SPRY3: variants seen among roughly 807,000 people sequenced by gnomAD.
SPRY3 encodes sprouty RTK signaling antagonist 3, also known as protein sprouty homolog 3.
A neutral mutation model predicts 20.2 loss-of-function variants in SPRY3; 15 were observed. The ratio of observed to expected loss-of-function variants is 0.74; its 90% CI spans 0.50 to 1.14. SPRY3 has a LOEUF of 1.14. SPRY3 is among the 50% of genes most tolerant of loss of function. The probability of loss-of-function intolerance (pLI) is 0.00; values close to 1 mark genes in which losing one functional copy is unlikely to be tolerated. For synonymous variants in SPRY3, 143 were observed against 136.5 expected (o/e 1.05, Z -0.33); for missense variants, 364 against 363.9 (o/e 1.00, Z 0.00).
intron 2 of SPRY3, among the ~76,000 whole-genome samples, chrX:155,707,570 T>A: frequency 6.6e-6 from 1 of 151,406 alleles, no homozygotes; most frequent in East Asian, 1.9e-4. Flanking sequence ...AAATCTCTGC[T>A]GCTTTTTTCA....
intron 2 of SPRY3, among the ~76,000 whole-genome samples, chrX:155,727,487 A>G (rs1340809001): frequency 6.6e-6 from 1 of 152,016 alleles, no homozygotes; most frequent in African/African-American, 2.4e-5. Flanking sequence ...TGTTTCTTGG[A>G]GGCTTTGTTC....
At chrX:155,682,288 A>G (rs775253148) in intron 2 of SPRY3, among the ~76,000 whole-genome samples, 3 of 112,676 alleles carry the variant, frequency 2.7e-5, no homozygotes, top group Non-Finnish European at 5.6e-5. Context: ...TTTAAAGCCC[A>G]TTGTGGATAC....
intron 2 of SPRY3, among the ~76,000 whole-genome samples, chrX:155,721,761 A>C (rs2091060014): frequency 6.6e-6 from 1 of 152,146 alleles, no homozygotes; most frequent in African/African-American, 2.4e-5. Context: ...ACAAACAAAA[A>C]CTGAGGAACT....
At chrX:155,655,948 C>G (rs186938910) in intron 1 of SPRY3, among the ~76,000 whole-genome samples, 1 of 112,345 alleles carries the variant, frequency 8.9e-6, no homozygotes, top group Non-Finnish European at 1.9e-5. Context: ...TCTCTTCTGG[C>G]TTGTTGCATT....
At chrX:155,668,744 A>G (rs781854171) in intron 2 of SPRY3, among the ~76,000 whole-genome samples, 1 of 109,853 alleles carries the variant, frequency 9.1e-6, no homozygotes, top group East Asian at 2.9e-4. Flanking sequence ...TTCCTGTTCT[A>G]TTGCTGATCC....
At chrX:155,639,298 T>C (rs1336477250) in intron 1 of SPRY3, among the ~76,000 whole-genome samples, 2 of 112,309 alleles carry the variant, frequency 1.8e-5, no homozygotes, top group Non-Finnish European at 3.8e-5. Context: ...CCACAATCAA[T>C]GTAATAAATG....
At chrX:155,633,474 C>A (rs1198464840) in intron 1 of SPRY3, among the ~76,000 whole-genome samples, 11 of 109,252 alleles carry the variant, frequency 1.0e-4, no homozygotes, top group Admixed American at 7.8e-4. Context: ...CGGAGCACTG[C>A]CATAAATATA....
chrX:155,715,988 C>G (rs2091019627), intron 2 of SPRY3, among the ~76,000 whole-genome samples: 1 of 152,154 alleles, frequency 6.6e-6, no homozygotes. Context: ...TCTTGCCCTC[C>G]TCAATGCCTC....
Position 155,641,105 on chromosome X carries a change from C to A in SPRY3, c.-440-15762C>A, listed in dbSNP as rs893165138. Among the ~76,000 whole-genome samples the A allele has an allele frequency of 1.1e-4, 12 of 110,694 alleles. 1 individual carries two copies. The highest frequency in any genetic ancestry group is 1.1e-3 in the Admixed American group (11 of 10,407). On this transcript the variant is annotated intron_variant, in intron 1 of 3. Transcript: ENST00000675360. ...ATGTTGAGATATATTCCGTCTATAC[C>A]CAATTTTTTGAGGATTTTAATTATG... is the stretch of plus-strand genomic sequence containing the variant.
chrX:155,708,849 T>G (rs1232693141), intron 2 of SPRY3, among the ~76,000 whole-genome samples: 2 of 151,414 alleles, frequency 1.3e-5, no homozygotes, highest in African/African-American at 2.4e-5. Flanking sequence ...TTACTCATTC[T>G]AACTATTTTT....
chrX:155,725,005 T>A (rs1324638888), intron 2 of SPRY3, among the ~76,000 whole-genome samples: 2 of 152,152 alleles, frequency 1.3e-5, no homozygotes, highest in Non-Finnish European at 2.9e-5. Flanking sequence ...CAATACCTAG[T>A]TTATTGAGAG....
chrX:155,767,901 GTTTTT>G (rs1235148646), intron 2 of SPRY3, 56 bp from the exon 2 acceptor site: 1 of 150,132 alleles, frequency 6.7e-6, no homozygotes, highest in Non-Finnish European at 1.5e-5. Context: ...CCCCTCCCCC[GTTTTT>G]TTGTTTTGTT....
At chrX:155,749,975 G>C (rs1401748092) in intron 2 of SPRY3, among the ~76,000 whole-genome samples, 1 of 151,764 alleles carries the variant, frequency 6.6e-6, no homozygotes, top group African/African-American at 2.4e-5. Context: ...GATCAGCTAA[G>C]GAATGAATGT....
At chrX:155,775,883 C>T (rs1466447631) in exon 4 of SPRY3, 1 of 167,038 alleles carries the variant, frequency 6.0e-6, no homozygotes, top group Non-Finnish European at 1.5e-5. Flanking sequence ...AGTCATAAAA[C>T]GTTAGAGCTG....
chrX:155,662,273 T>C (rs2068012193), intron 2 of SPRY3, among the ~76,000 whole-genome samples: 1 of 110,881 alleles, frequency 9.0e-6, no homozygotes, highest in Non-Finnish European at 1.9e-5. Flanking sequence ...ATTTGGCAAT[T>C]TTTCTGAGTG....
intron 1 of SPRY3, among the ~76,000 whole-genome samples, chrX:155,619,122 G>T (rs2067863282): frequency 1.8e-5 from 2 of 109,945 alleles, no homozygotes; most frequent in Non-Finnish European, 3.8e-5. Context: ...TATATCCAAA[G>T]ATTTTATCAT....
At chrX:155,661,113 T>C (rs1557353644) in intron 2 of SPRY3, among the ~76,000 whole-genome samples, 1 of 112,139 alleles carries the variant, frequency 8.9e-6, no homozygotes, top group Non-Finnish European at 1.9e-5. Context: ...GTGTAATTGC[T>C]TTATAAGAAC....
intron 2 of SPRY3, among the ~76,000 whole-genome samples, chrX:155,729,879 A>C (rs924901284): frequency 2.4e-4 from 37 of 152,272 alleles, no homozygotes; most frequent in Non-Finnish European, 3.8e-4. Flanking sequence ...AAATATCACA[A>C]CCAATACCAC....
At chrX:155,749,042 G>A (rs898521149) in intron 2 of SPRY3, among the ~76,000 whole-genome samples, 1 of 151,814 alleles carries the variant, frequency 6.6e-6, no homozygotes, top group Non-Finnish European at 1.5e-5. Flanking sequence ...GGATAAATAG[G>A]ATTTAGAGAA....
Sources: allele counts gnomAD v4.1 joint callset (sites outside exome capture counted in the v4.1 genomes callset), GRCh38; gene constraint gnomAD v4.1.1; transcripts MANE v1.5; gene names NCBI Gene and HGNC (gene_info 2026-07-23, HGNC 2026-07-21).